Variants in DNASE1 observed in about 807,000 individuals in gnomAD.
DNASE1 encodes the protein deoxyribonuclease 1.
Under a neutral mutation model 33.9 loss-of-function variants are expected in DNASE1, and 40 were observed. The observed-to-expected ratio is 1.18, with a 90% CI of 0.92 to 1.54. The LOEUF is 1.54. Ranked by LOEUF, DNASE1 falls within the 40% of genes most tolerant of loss-of-function variation. The pLI is 0.00. For synonymous variants in DNASE1, 216 were observed against 160.0 expected, an observed-to-expected ratio of 1.35 and a Z score of -2.64; for missense variants, 518 against 372.6, an observed-to-expected ratio of 1.39 and a Z score of -3.21.
chr16:3,654,783 T>C lies in DNASE1; in HGVS notation c.-263T>C. On this transcript the variant is annotated 5_prime_UTR_variant, in exon 1 of 9. Transcript: ENST00000246949. ...GGAAAGCCACACAGAGCCATTGTTT[T>C]CTGCACTCTCAGGTGACGGCTCACA... 1 of 400,858 alleles carries C rather than the reference T, an allele frequency of 2.5e-6. No homozygotes were observed. Among genetic ancestry groups the C allele is most frequent in the Non-Finnish European group, 4.4e-6 (1 of 227,750 alleles). The allele number at this position is 400,858 out of a possible 1,614,324, so 24.8% of individuals were successfully genotyped here. A position where few individuals can be genotyped will look rare whatever the true frequency, so the allele number is the denominator to read the frequency against.
At chr16:3,611,843 G>T (rs2040888439) in exon 1 of DNASE1, 1 of 152,302 alleles carries the variant, frequency 6.6e-6, no homozygotes, top group Non-Finnish European at 1.5e-5. Flanking sequence ...TGTGGCAGCT[G>T]TGAGATAAAG....
chr16:3,635,155 A>C (rs895180486), intron 1 of DNASE1, among the ~76,000 whole-genome samples: 46 of 152,194 alleles, frequency 3.0e-4, no homozygotes, highest in African/African-American at 1.0e-3. Context: ...TGTTAAAAAT[A>C]AGTTAAAAAT....
chr16:3,627,275 C>CTT (rs774487244), intron 1 of DNASE1, among the ~76,000 whole-genome samples: 2 of 133,892 alleles, frequency 1.5e-5, no homozygotes, highest in Non-Finnish European at 1.6e-5. Context: ...ATGACATATC[C>CTT]TTTTTTTTTT....
intron 1 of DNASE1, among the ~76,000 whole-genome samples, chr16:3,626,701 TGAG>T (rs2041523364): frequency 6.6e-6 from 1 of 152,198 alleles, no homozygotes; most frequent in African/African-American, 2.4e-5. Flanking sequence ...TTCTATGTAT[TGAG>T]AAGTGTTGAA....
At chr16:3,663,015 C>G, downstream of DNASE1, 1 of 1,494,464 alleles carries the variant, frequency 6.7e-7, no homozygotes, top group Non-Finnish European at 9.0e-7. Flanking sequence ...TCCCAACTCC[C>G]CGGCTTCCAT....
intron 1 of DNASE1, among the ~76,000 whole-genome samples, chr16:3,617,269 T>C (rs1347147739): frequency 3.0e-5 from 4 of 132,434 alleles, no homozygotes; most frequent in East Asian, 4.6e-4. Flanking sequence ...GAGGTTGCGG[T>C]GAGCCGAGAT....
intron 1 of DNASE1, among the ~76,000 whole-genome samples, chr16:3,624,011 C>T (rs1043747556): frequency 2.0e-5 from 3 of 151,962 alleles, no homozygotes; most frequent in Admixed American, 6.6e-5. Flanking sequence ...AGGCCAGGTG[C>T]GGTGGCTCAC....
At chr16:3,651,597 C>A (rs935726551), upstream of DNASE1, 1 of 152,298 alleles carries the variant, frequency 6.6e-6, no homozygotes, top group Non-Finnish European at 1.5e-5. Context: ...TGGGCAGAAG[C>A]GACAGCAGCC....
intron 1 of DNASE1, among the ~76,000 whole-genome samples, chr16:3,620,000 C>T (rs953928318): frequency 3.3e-5 from 5 of 151,532 alleles, no homozygotes; most frequent in Non-Finnish European, 7.4e-5. Flanking sequence ...ACTGCAACCC[C>T]CGCCTCCGGG....
intron 1 of DNASE1, among the ~76,000 whole-genome samples, chr16:3,622,555 A>T (rs1272762304): frequency 6.6e-6 from 1 of 152,178 alleles, no homozygotes; most frequent in Non-Finnish European, 1.5e-5. Context: ...TATATTGTGG[A>T]AATGGATATA....
downstream of DNASE1, chr16:3,658,157 AGCTCATTCAAGCG>A (rs1452319155): frequency 3.7e-5 from 59 of 1,614,090 alleles, no homozygotes; most frequent in Non-Finnish European, 4.9e-5. Context: ...CTTGACAAGC[AGCTCATTCAAGCG>A]GCCCACCATG....
intron 1 of DNASE1, among the ~76,000 whole-genome samples, chr16:3,645,027 G>T (rs1247316669): frequency 6.6e-6 from 1 of 151,788 alleles, no homozygotes; most frequent in Non-Finnish European, 1.5e-5. Context: ...CCAGCTTCTT[G>T]GGAGGTTGAG....
chr16:3,632,790 T>C (rs111473463), intron 1 of DNASE1, among the ~76,000 whole-genome samples: 43 of 152,268 alleles, frequency 2.8e-4, no homozygotes, highest in African/African-American at 9.9e-4. Flanking sequence ...TTTACCATGT[T>C]GTCCAGGCTG....
In DNASE1 at chr16:3,612,622, C is replaced by A. The variant is rs142374000; in HGVS notation, c.-1359+616C>A. On this transcript the variant is annotated intron_variant and NMD_transcript_variant, in intron 1 of 11. Transcript: ENST00000570769. Reference sequence around the variant, plus strand: ...GGGGAGTCTCACTATGTTGCCCAGGCTGGTCTCGAGCCCTGGCCGCAAGAG... The same window carrying A: ...GGGGAGTCTCACTATGTTGCCCAGGATGGTCTCGAGCCCTGGCCGCAAGAG... Among the ~76,000 whole-genome samples, 110 of 142,572 alleles carry A rather than the reference C, an allele frequency of 7.7e-4. 2 individuals carry two copies. The East Asian group carries it at 0.021, about 27-fold the overall frequency. 93.5% of individuals were successfully genotyped at this position (142,572 alleles called of 152,430 possible).
exon 10 of DNASE1, chr16:3,665,441 CAAT>C (rs1410224718): frequency 6.5e-6 from 1 of 154,204 alleles, no homozygotes; most frequent in Admixed American, 6.3e-5. Flanking sequence ...AGTTGTATCT[CAAT>C]AAAAAATGGA....
chr16:3,650,161 A>T (rs1200508683), upstream of DNASE1, among the ~76,000 whole-genome samples: 2 of 152,168 alleles, frequency 1.3e-5, no homozygotes, highest in African/African-American at 2.4e-5. Flanking sequence ...AACATTTGTT[A>T]TTATGTATGT....
upstream of DNASE1, chr16:3,652,960 G>A (rs890101517): frequency 3.3e-5 from 5 of 152,274 alleles, no homozygotes; most frequent in Non-Finnish European, 7.3e-5. Flanking sequence ...TGTCCTTGGA[G>A]GGCCAGCACA....
chr16:3,658,777 A>G, downstream of DNASE1: 1 of 1,611,358 alleles, frequency 6.2e-7, no homozygotes, highest in East Asian at 2.2e-5. Context: ...CAGTCATCCT[A>G]AGCTGCTGCA....
chr16:3,659,273 G>C (rs1258535977), downstream of DNASE1: 1 of 171,754 alleles, frequency 5.8e-6, no homozygotes, highest in Non-Finnish European at 1.2e-5. Context: ...ATGTAACGAG[G>C]GTGGACACTG....
Sources: gnomAD v4.1 joint callset for allele counts (sites outside exome capture counted in the v4.1 genomes callset) on GRCh38, gnomAD v4.1.1 for gene constraint, MANE v1.5 for transcripts, NCBI Gene and HGNC (gene_info 2026-07-23, HGNC 2026-07-21) for gene names.